The following BPTF variants were observed in gnomAD, a reference collection of about 807,000 sequenced individuals.
BPTF encodes nucleosome-remodeling factor subunit BPTF.
BPTF carries 18 observed loss-of-function variants against 292.5 expected under a neutral mutation model. That is an observed-to-expected ratio of 0.06 (90% CI 0.04 to 0.09). The LOEUF is 0.09. Among genes scored for constraint, BPTF ranks in the 10% least tolerant of loss-of-function variants. The pLI, the probability that BPTF is intolerant of heterozygous loss-of-function variation, is 1.00. For synonymous variants in BPTF, 1,225 were observed against 1,251.9 expected (o/e 0.98, Z 0.45); for missense variants, 2,726 against 3,498.7 (o/e 0.78, Z 5.57).
chr17:67,903,700 T>C, intron 7 of BPTF, 89 bp from the exon 8 acceptor site: 2 of 1,259,670 alleles, frequency 1.6e-6, no homozygotes, highest in Non-Finnish European at 2.1e-6. Context: ...AACAGTCTGC[T>C]TTGTTTTCCT....
intron 10 of BPTF, among the ~76,000 whole-genome samples, chr17:67,910,418 T>TA (rs1441379335): frequency 6.6e-5 from 10 of 152,208 alleles, no homozygotes; most frequent in Admixed American, 5.9e-4. Flanking sequence ...GTTTAACCTT[T>TA]TGAGGAACTA....
chr17:67,902,251 C>T (rs1216000090), intron 7 of BPTF, among the ~76,000 whole-genome samples: 1 of 152,192 alleles, frequency 6.6e-6, no homozygotes, highest in Non-Finnish European at 1.5e-5. Context: ...CGCTGAAGTC[C>T]TTCAGACAGT....
intron 3 of BPTF, among the ~76,000 whole-genome samples, chr17:67,868,418 A>G (rs2059514638): frequency 6.6e-6 from 1 of 152,214 alleles, no homozygotes; most frequent in Non-Finnish European, 1.5e-5. Context: ...AGCAAAATCC[A>G]TGGATGCCCA....
intron 9 of BPTF, among the ~76,000 whole-genome samples, chr17:67,905,789 G>C (rs1294243365): frequency 1.3e-5 from 2 of 151,964 alleles, no homozygotes; most frequent in Admixed American, 1.3e-4. Context: ...GCAAGTAAGA[G>C]AAAACCAGAA....
chr17:67,869,650 T>C (rs567718301), intron 3 of BPTF, among the ~76,000 whole-genome samples: 9 of 152,134 alleles, frequency 5.9e-5, no homozygotes, highest in African/African-American at 1.4e-4. Context: ...GAGCATGTTA[T>C]ATAGTTCAGT....
chr17:67,871,418 G>C (rs998590739), intron 3 of BPTF, among the ~76,000 whole-genome samples: 4 of 131,598 alleles, frequency 3.0e-5, no homozygotes, highest in African/African-American at 1.2e-4. Context: ...TCCAGCCTGG[G>C]CAACAGAGTG....
At chr17:67,841,105 TG>T (rs1429956685) in intron 1 of BPTF, among the ~76,000 whole-genome samples, 2 of 152,074 alleles carry the variant, frequency 1.3e-5, no homozygotes, top group African/African-American at 2.4e-5. Context: ...CAGATTTTTT[TG>T]GTAAAAGGTC....
At chr17:67,872,128 G>A (rs990558578) in intron 3 of BPTF, among the ~76,000 whole-genome samples, 1 of 152,034 alleles carries the variant, frequency 6.6e-6, no homozygotes, top group Non-Finnish European at 1.5e-5. Context: ...GCCCAGCCCT[G>A]TTTTTGGTCT....
At chr17:67,833,496 G>C (rs1027175994) in intron 1 of BPTF, among the ~76,000 whole-genome samples, 2 of 151,652 alleles carry the variant, frequency 1.3e-5, no homozygotes, top group Admixed American at 1.3e-4. Flanking sequence ...GTTTTTATCT[G>C]TACGTATGTT....
chr17:67,957,518 A>G (rs370411790), intron 23 of BPTF, among the ~76,000 whole-genome samples: 2 of 152,196 alleles, frequency 1.3e-5, no homozygotes, highest in African/African-American at 4.8e-5. Context: ...CCTAGCCTAC[A>G]TGGTGAAACC....
chr17:67,921,401 G>A (rs921068310), intron 13 of BPTF, among the ~76,000 whole-genome samples: 4 of 151,344 alleles, frequency 2.6e-5, no homozygotes, highest in Admixed American at 6.6e-5. Context: ...TGGTACACAC[G>A]TGTAGTCCCA....
intron 1 of BPTF, among the ~76,000 whole-genome samples, chr17:67,837,118 G>GC (rs2057191173): frequency 6.6e-6 from 1 of 152,156 alleles, no homozygotes; most frequent in Non-Finnish European, 1.5e-5. Context: ...TTAAGGTAAA[G>GC]ACATGAAGTG....
rs556798462 is a variant in BPTF at position 67,910,661 on chromosome 17, A to G, written c.2993-216A>G. Among the ~76,000 whole-genome samples, 10 of 152,170 alleles carry G rather than the reference A, an allele frequency of 6.6e-5. No homozygotes were observed. In the East Asian group the frequency reaches 1.7e-3, roughly 26 times the overall value. On this transcript the variant is annotated intron_variant, in intron 10 of 27. Transcript: ENST00000306378. Reference sequence around the variant, plus strand: ...CTGAAAATTCAAAAATAAGCCAGGCATGGTGGCACATGCCTATAATCCCAG... The same window carrying G: ...CTGAAAATTCAAAAATAAGCCAGGCGTGGTGGCACATGCCTATAATCCCAG...
chr17:67,858,555 C>CAA (rs561316267), intron 2 of BPTF, among the ~76,000 whole-genome samples: 419 of 77,294 alleles, frequency 5.4e-3, no homozygotes, highest in Admixed American at 8.8e-3. Flanking sequence ...ACTCTGTCTC[C>CAA]AAAAAAAAAA....
intron 18 of BPTF, among the ~76,000 whole-genome samples, chr17:67,937,575 C>G (rs552714254): frequency 6.6e-6 from 1 of 152,172 alleles, no homozygotes; most frequent in South Asian, 2.1e-4. Context: ...GTGCAGATAT[C>G]TGAGGAAAGA....
At chr17:67,898,587 G>A (rs911373722) in intron 7 of BPTF, among the ~76,000 whole-genome samples, 1 of 151,778 alleles carries the variant, frequency 6.6e-6, no homozygotes, top group African/African-American at 2.4e-5. Context: ...TGGGATTACA[G>A]GTGTGAGCCG....
chr17:67,866,509 C>T lies in BPTF; in HGVS notation c.1482C>T (p.Tyr494=), dbSNP rs759212766. Residue 494 remains tyrosine (Y), a synonymous_variant, in exon 3 of 28, where the codon TAC becomes TAT. Transcript: ENST00000306378. The part of the protein sequence containing the change: ...ENENEKKIWY[Y]STKVQLAELI... The stretch of plus-strand genomic sequence containing the variant: ...AAAATGAAAAGAAAATTTGGTATTA[C>T]AGCACAAAGGTCCAACTTGCAGAAT... 1 of 1,613,956 alleles carries T rather than the reference C, an allele frequency of 6.2e-7. No homozygotes were observed. The highest frequency in any genetic ancestry group is 1.7e-5 in the Admixed American group (1 of 60,012).
chr17:67,936,891 A>G (rs576776080), intron 18 of BPTF, among the ~76,000 whole-genome samples: 1 of 152,284 alleles, frequency 6.6e-6, no homozygotes, highest in East Asian at 1.9e-4. Context: ...TAATTTCCCA[A>G]GCTATTAATC....
At chr17:67,903,720 G>T (rs919255877) in intron 7 of BPTF, 69 bp from the exon 8 acceptor site, 1 of 1,385,880 alleles carries the variant, frequency 7.2e-7, no homozygotes, top group African/African-American at 1.5e-5. Flanking sequence ...TAATTTTTCA[G>T]TATTGCATTT....
Sources: gnomAD v4.1 joint callset for allele counts (sites outside exome capture counted in the v4.1 genomes callset) on GRCh38, gnomAD v4.1.1 for gene constraint, MANE v1.5 for transcripts, NCBI Gene and HGNC (gene_info 2026-07-23, HGNC 2026-07-21) for gene names.